MAP2K6: variants seen among roughly 807,000 people sequenced by gnomAD.
The protein encoded by MAP2K6 is dual specificity mitogen-activated protein kinase kinase 6.
Under a neutral mutation model 53.7 loss-of-function variants are expected in MAP2K6, and 16 were observed. The observed-to-expected ratio is 0.30, with a 90% CI of 0.20 to 0.45. MAP2K6 has a LOEUF of 0.45. Among genes scored for constraint, MAP2K6 ranks in the 20% least tolerant of loss-of-function variants. MAP2K6 has a pLI of 1.00. For synonymous variants in MAP2K6, 132 were observed against 143.1 expected (o/e 0.92, Z 0.55); for missense variants, 204 against 411.9 (o/e 0.50, Z 4.37).
chr17:69,415,891 T>A (rs144131837), intron 1 of MAP2K6, among the ~76,000 whole-genome samples: 479 of 152,352 alleles, frequency 3.1e-3, no homozygotes, highest in Non-Finnish European at 4.9e-3. Flanking sequence ...TTATTTTCTT[T>A]TCTTAATTTT....
rs1912107560 is a variant in MAP2K6 at position 69,551,716 on chromosome 17, G to A, written c.*9963G>A. 1 of 152,130 alleles carries A rather than the reference G, an allele frequency of 6.6e-6. No individual in the cohort carries two copies. Among genetic ancestry groups the A allele is most frequent in the Non-Finnish European group, 1.5e-5 (1 of 68,008 alleles). 9.4% of individuals were successfully genotyped at this position (152,130 alleles called of 1,614,324 possible). On this transcript the variant is annotated 3_prime_UTR_variant, in exon 12 of 12. Transcript: ENST00000590474. Reference sequence around the variant, plus strand: ...AGTGGACTGATTTTCTATATGAACTGAAATGATGTTTTAATAGAATAATAG... The same window carrying A: ...AGTGGACTGATTTTCTATATGAACTAAAATGATGTTTTAATAGAATAATAG...
chr17:69,423,326 T>C (rs1223549287), intron 1 of MAP2K6, among the ~76,000 whole-genome samples: 1 of 152,236 alleles, frequency 6.6e-6, no homozygotes, highest in Non-Finnish European at 1.5e-5. Context: ...CAAAGTTTTA[T>C]TGGAACACAG....
At chr17:69,484,879 T>A (rs1413297415) in intron 1 of MAP2K6, among the ~76,000 whole-genome samples, 1 of 152,028 alleles carries the variant, frequency 6.6e-6, no homozygotes, top group Non-Finnish European at 1.5e-5. Flanking sequence ...GGCAAATCTG[T>A]AGAGACAGAA....
intron 10 of MAP2K6, among the ~76,000 whole-genome samples, chr17:69,527,173 A>G (rs1047205004): frequency 3.3e-5 from 5 of 152,250 alleles, no homozygotes; most frequent in Non-Finnish European, 7.3e-5. Flanking sequence ...TGATTAAAGC[A>G]TAAAGAGAAA....
At position 69,455,694 on chromosome 17, in the gene MAP2K6, C is replaced by T. The variant is rs186246857; in HGVS notation, c.16+40694C>T. Among the ~76,000 whole-genome samples, 9 of 152,142 alleles carry T rather than the reference C, an allele frequency of 5.9e-5. No homozygotes were observed. In the East Asian group the frequency reaches 1.7e-3, roughly 29 times the overall value. On this transcript the variant is annotated intron_variant, in intron 1 of 11. Transcript: ENST00000590474. The stretch of plus-strand genomic sequence containing the variant: ...AGGTGTTGTGGGCCACATATGGTCT[C>T]TGCATATTCTTGTTTGTTCTTTTTC...
rs1598324570 is a variant in MAP2K6 at position 69,541,798 on chromosome 17, T to G, written c.*45T>G. On this transcript the variant is annotated 3_prime_UTR_variant, in exon 12 of 12. Transcript: ENST00000590474. ...GTTGACCCTACTGTGGATTGGTGGG[T>G]TTCGGGGTGAAGCAAGTTCACTACA... is the stretch of plus-strand genomic sequence containing the variant. 3 of 1,487,662 alleles carry G rather than the reference T, an allele frequency of 2.0e-6. No individual in the cohort carries two copies. The highest frequency in any genetic ancestry group is 2.8e-6 in the Non-Finnish European group (3 of 1,069,488). 92.2% of individuals were successfully genotyped at this position (1,487,662 alleles called of 1,614,324 possible).
rs573771554 is a variant in MAP2K6 at position 69,458,467 on chromosome 17, C to T, written c.16+43467C>T. 2.6e-5 allele frequency among the ~76,000 whole-genome samples: 4 copies of T among 152,282 alleles called. No homozygotes were observed. The East Asian group carries it at 7.7e-4, about 29-fold the overall frequency. On this transcript the variant is annotated intron_variant, in intron 1 of 11. Transcript: ENST00000590474. The stretch of plus-strand genomic sequence containing the variant: ...AAATACCTCAGGAGATTCTTATCAC[C>T]CTGAAGTATAAGGACCACATTCCAG...
rs1912097271 is a variant in MAP2K6 at position 69,551,479 on chromosome 17, G to C, written c.*9726G>C. The C allele has an allele frequency of 2.0e-5, 3 of 152,204 alleles. No individual in the cohort carries two copies. The highest frequency in any genetic ancestry group is 7.2e-5 in the African/African-American group (3 of 41,438). The allele number at this position is 152,204 out of a possible 1,614,324, so 9.4% of individuals were successfully genotyped here. On this transcript the variant is annotated 3_prime_UTR_variant, in exon 12 of 12. Coordinates refer to ENST00000590474, the MANE Select transcript of MAP2K6 (RefSeq NM_002758.4). ...GTCTGGTGAATTCTGACAGTGTTCT[G>C]TTTGCCACTAGAGCAAATTTAATAG...
chr17:69,450,900 G>A (rs994324248), intron 1 of MAP2K6, among the ~76,000 whole-genome samples: 5 of 152,172 alleles, frequency 3.3e-5, no homozygotes, highest in Admixed American at 2.6e-4. Flanking sequence ...CACACAAAAA[G>A]GAGGGTTCTG....
At chr17:69,493,056 A>C (rs1262494675) in intron 1 of MAP2K6, among the ~76,000 whole-genome samples, 1 of 152,168 alleles carries the variant, frequency 6.6e-6, no homozygotes, top group Non-Finnish European at 1.5e-5. Context: ...GTCTACATGA[A>C]TATTTCATAT....
intron 5 of MAP2K6, chr17:69,519,706 A>C: frequency 2.6e-6 from 1 of 388,282 alleles, no homozygotes. Flanking sequence ...TATATCGCCT[A>C]TAGACTGATT....
chr17:69,490,108 G>T (rs2145201647), intron 1 of MAP2K6, among the ~76,000 whole-genome samples: 1 of 152,242 alleles, frequency 6.6e-6, no homozygotes, highest in South Asian at 2.1e-4. Flanking sequence ...GTTTCTTGTT[G>T]GTAGGGAACA....
chr17:69,534,722 T>C (rs1032169039), intron 10 of MAP2K6, among the ~76,000 whole-genome samples: 6 of 152,136 alleles, frequency 3.9e-5, no homozygotes, highest in Non-Finnish European at 7.3e-5. Flanking sequence ...TTGCTCAAAA[T>C]GATCCCTTAG....
chr17:69,491,822 C>A (rs563314012), intron 1 of MAP2K6, among the ~76,000 whole-genome samples: 1 of 151,682 alleles, frequency 6.6e-6, no homozygotes, highest in Admixed American at 6.6e-5. Flanking sequence ...TGATTTGATT[C>A]AGACTGGTCT....
chr17:69,525,565 A>G (rs1910726031), intron 9 of MAP2K6, among the ~76,000 whole-genome samples: 1 of 152,218 alleles, frequency 6.6e-6, no homozygotes, highest in Non-Finnish European at 1.5e-5. Flanking sequence ...AGGCCTCACG[A>G]TCATGGCGGA....
intron 10 of MAP2K6, among the ~76,000 whole-genome samples, chr17:69,533,230 C>A (rs1911177107): frequency 6.6e-6 from 1 of 152,120 alleles, no homozygotes; most frequent in African/African-American, 2.4e-5. Context: ...TTAGCCACTG[C>A]ACCTGGTCGA....
chr17:69,498,863 C>T (rs1909046162), intron 1 of MAP2K6, among the ~76,000 whole-genome samples: 1 of 152,112 alleles, frequency 6.6e-6, no homozygotes, highest in Admixed American at 6.6e-5. Context: ...CAAATGTCTG[C>T]ATGGTCTGTT....
intron 1 of MAP2K6, among the ~76,000 whole-genome samples, chr17:69,451,756 A>G (rs549357993): frequency 6.6e-6 from 1 of 152,278 alleles, no homozygotes; most frequent in South Asian, 2.1e-4. Flanking sequence ...TGTGCTGAGC[A>G]TGACTGGATA....
At chr17:69,423,406 G>A (rs772707013) in intron 1 of MAP2K6, among the ~76,000 whole-genome samples, 5 of 152,242 alleles carry the variant, frequency 3.3e-5, no homozygotes, top group Admixed American at 1.3e-4. Flanking sequence ...GAGTAGTTGC[G>A]CCAGAGCCCC....
Sources: gnomAD v4.1 joint callset for allele counts (sites outside exome capture counted in the v4.1 genomes callset) on GRCh38, gnomAD v4.1.1 for gene constraint, MANE v1.5 for transcripts, NCBI Gene and HGNC (gene_info 2026-07-23, HGNC 2026-07-21) for gene names.